The following PPM1H variants were observed in gnomAD, a reference collection of about 807,000 sequenced individuals.
PPM1H encodes the protein protein phosphatase 1H.
Under a neutral mutation model 54.9 loss-of-function variants are expected in PPM1H, and 27 were observed. That is an observed-to-expected ratio of 0.49 (90% CI 0.36 to 0.68). The LOEUF is 0.68. PPM1H is among the 30% of genes least tolerant of loss of function. The pLI, the probability that PPM1H is intolerant of heterozygous loss-of-function variation, is 0.00. For synonymous variants in PPM1H, 305 were observed against 270.8 expected (o/e 1.13, Z -1.24); for missense variants, 596 against 667.8 (o/e 0.89, Z 1.19).
chr12:62,786,498 G>T (rs593350), intron 4 of PPM1H, among the ~76,000 whole-genome samples: 16,967 of 152,234 alleles, frequency 0.11, 1,096 homozygotes, highest in African/African-American at 0.17. Flanking sequence ...GCAAGAGATG[G>T]GAGGGCGGGC....
In PPM1H at chr12:62,934,460, A is replaced by T; in HGVS notation, c.245+32T>A. 1.3e-6 allele frequency: 2 copies of T among 1,516,956 alleles called. No homozygotes were observed. The highest frequency in any genetic ancestry group is 1.3e-5 in the South Asian group (1 of 79,652). 94.0% of individuals were successfully genotyped at this position (1,516,956 alleles called of 1,614,324 possible). A position where few individuals can be genotyped will look rare whatever the true frequency, so the allele number is the denominator to read the frequency against. ...CCGTGCGGGGAAGGGCCGCGAGGAGAGCAGGGGCGCCGCCGGTGTCGCTGC... is the reference window on the plus strand; with the variant it reads ...CCGTGCGGGGAAGGGCCGCGAGGAGTGCAGGGGCGCCGCCGGTGTCGCTGC... On this transcript the variant is annotated intron_variant, in intron 1 of 9. Transcript: ENST00000228705. The surrounding 1 kb of genome is among the most constrained non-coding windows in gnomAD (Gnocchi z 4.2).
chr12:62,779,046 C>G (rs1565786241), intron 4 of PPM1H, among the ~76,000 whole-genome samples: 1 of 150,778 alleles, frequency 6.6e-6, no homozygotes, highest in African/African-American at 2.4e-5. Context: ...TTGTTTTTTG[C>G]TTTTTTTTTG....
chr12:62,773,042 G>A (rs2076588825), intron 4 of PPM1H, among the ~76,000 whole-genome samples: 1 of 152,220 alleles, frequency 6.6e-6, no homozygotes, highest in Non-Finnish European at 1.5e-5. Flanking sequence ...CAGCTACTCG[G>A]GAGGCTGAGG....
At chr12:62,811,996 A>G (rs939406055) in intron 2 of PPM1H, among the ~76,000 whole-genome samples, 2 of 152,232 alleles carry the variant, frequency 1.3e-5, no homozygotes, top group African/African-American at 4.8e-5. Flanking sequence ...AGATAGTTTA[A>G]GTAACTCTGC....
intron 1 of PPM1H, among the ~76,000 whole-genome samples, chr12:62,846,821 T>C (rs1378187809): frequency 1.3e-5 from 2 of 152,212 alleles, no homozygotes; most frequent in African/African-American, 4.8e-5. Context: ...AACCAGTAAG[T>C]AGCACAGTGC....
At chr12:62,795,857 G>A (rs942845381) in intron 3 of PPM1H, among the ~76,000 whole-genome samples, 4 of 152,160 alleles carry the variant, frequency 2.6e-5, no homozygotes, top group African/African-American at 9.7e-5. Flanking sequence ...CTCCCAAGTA[G>A]CTGGGATTGC....
chr12:62,782,074 A>T (rs970288750), intron 4 of PPM1H, among the ~76,000 whole-genome samples: 4 of 152,174 alleles, frequency 2.6e-5, no homozygotes, highest in African/African-American at 9.6e-5. Context: ...GGAATAGTGT[A>T]TTTAATATAG....
intron 5 of PPM1H, among the ~76,000 whole-genome samples, chr12:62,726,238 C>T (rs1208144248): frequency 1.3e-5 from 2 of 152,258 alleles, no homozygotes; most frequent in Admixed American, 6.5e-5. Context: ...CATGGCTGCA[C>T]ACAATTTGTA....
intron 4 of PPM1H, among the ~76,000 whole-genome samples, chr12:62,786,877 A>G (rs2076675026): frequency 6.6e-6 from 1 of 152,198 alleles, no homozygotes; most frequent in African/African-American, 2.4e-5. Context: ...CACCTCTTTC[A>G]TGTTAGAACA....
At chr12:62,830,365 TCTGC>T (rs1040404742) in intron 2 of PPM1H, among the ~76,000 whole-genome samples, 4 of 151,558 alleles carry the variant, frequency 2.6e-5, no homozygotes, top group African/African-American at 9.7e-5. Flanking sequence ...ACGCCATTCT[TCTGC>T]CTCAGCCTCC....
At chr12:62,910,613 T>C (rs1871424833) in intron 1 of PPM1H, among the ~76,000 whole-genome samples, 1 of 152,218 alleles carries the variant, frequency 6.6e-6, no homozygotes, top group Non-Finnish European at 1.5e-5. Context: ...TATATCCTTT[T>C]GACTTATGGC....
intron 6 of PPM1H, among the ~76,000 whole-genome samples, chr12:62,703,918 C>T (rs777890049): frequency 6.6e-6 from 1 of 151,812 alleles, no homozygotes; most frequent in East Asian, 1.9e-4. Context: ...AACCTTCAAG[C>T]GGCCTTACAG....
intron 1 of PPM1H, among the ~76,000 whole-genome samples, chr12:62,883,148 A>G (rs974196521): frequency 6.6e-6 from 1 of 152,146 alleles, no homozygotes; most frequent in Non-Finnish European, 1.5e-5. Context: ...GGAGCTTCTC[A>G]TACCACCCTC....
chr12:62,670,603 G>A (rs2075951705), intron 8 of PPM1H, among the ~76,000 whole-genome samples: 1 of 152,112 alleles, frequency 6.6e-6, no homozygotes, highest in Admixed American at 6.6e-5. Flanking sequence ...ATGGAAATCT[G>A]GCCAACAGAA....
intron 2 of PPM1H, 140 bp downstream of exon 2, chr12:62,831,974 G>T: frequency 1.0e-6 from 1 of 984,936 alleles, no homozygotes; most frequent in South Asian, 1.7e-5. Context: ...CGTGACGATA[G>T]GCCCGCCACC....
intron 4 of PPM1H, among the ~76,000 whole-genome samples, chr12:62,770,483 T>G (rs562184559): frequency 1.3e-5 from 2 of 152,326 alleles, no homozygotes; most frequent in South Asian, 4.1e-4. Flanking sequence ...CCTATCTGTT[T>G]TACATACTGG....
intron 7 of PPM1H, among the ~76,000 whole-genome samples, chr12:62,691,186 G>A (rs912674717): frequency 6.6e-6 from 1 of 152,172 alleles, no homozygotes; most frequent in Non-Finnish European, 1.5e-5. Context: ...CAAGACAGGC[G>A]ACACAGAGGG....
chr12:62,707,690 T>C (rs929265221), intron 6 of PPM1H, among the ~76,000 whole-genome samples: 2 of 152,250 alleles, frequency 1.3e-5, no homozygotes, highest in African/African-American at 4.8e-5. Context: ...CCTTTGTCTA[T>C]TAGTTTTGTA....
rs148007519 is a variant in PPM1H at position 62,713,000 on chromosome 12, G to A, written c.1073+7171C>T. Among the ~76,000 whole-genome samples, 517 of 152,300 alleles carry A rather than the reference G, an allele frequency of 3.4e-3. 3 individuals carry two copies. The highest frequency in any genetic ancestry group is 0.012 in the African/African-American group (491 of 41,562). Reference sequence around the variant, plus strand: ...AATCTGCTCATCCACTTCCTTGTCAGCCTGCTTGAATGCACTGTCAGAGGG... The same window carrying A: ...AATCTGCTCATCCACTTCCTTGTCAACCTGCTTGAATGCACTGTCAGAGGG... On this transcript the variant is annotated intron_variant, in intron 6 of 9. Coordinates refer to ENST00000228705, the MANE Select transcript of PPM1H (RefSeq NM_020700.2).
Sources: gnomAD v4.1 joint callset for allele counts (sites outside exome capture counted in the v4.1 genomes callset) on GRCh38, gnomAD v4.1.1 for gene constraint, Gnocchi (gnomAD v3.1) non-coding constraint, MANE v1.5 for transcripts, NCBI Gene and HGNC (gene_info 2026-07-23, HGNC 2026-07-21) for gene names.